ADGRB3: variants seen among roughly 807,000 people sequenced by gnomAD.
ADGRB3 encodes the protein brain-specific angiogenesis inhibitor 3.
In ADGRB3, 37 loss-of-function variants were observed where a neutral mutation model predicts 193.4. The observed-to-expected ratio is 0.19, with a 90% CI of 0.15 to 0.25. The LOEUF is 0.25. Ranked by LOEUF, ADGRB3 falls within the 10% of genes least tolerant of loss-of-function variation. The pLI, the probability that ADGRB3 is intolerant of heterozygous loss-of-function variation, is 1.00. For missense variants in ADGRB3, 1,637 were observed against 1,852.9 expected (o/e 0.88, Z 2.14); for synonymous variants, 690 against 644.2 (o/e 1.07, Z -1.08).
intron 3 of ADGRB3, among the ~76,000 whole-genome samples, chr6:68,740,558 T>C (rs1765959402): frequency 6.6e-6 from 1 of 152,182 alleles, no homozygotes; most frequent in African/African-American, 2.4e-5. Context: ...TACAACTGTT[T>C]ATTAAAAAAA....
chr6:69,240,629 G>A (rs1354942004), intron 20 of ADGRB3, among the ~76,000 whole-genome samples: 1 of 151,562 alleles, frequency 6.6e-6, no homozygotes, highest in African/African-American at 2.4e-5. Context: ...AAAAAATGAG[G>A]GTAAACATGG....
intron 31 of ADGRB3, among the ~76,000 whole-genome samples, chr6:69,383,252 C>G (rs1769990234): frequency 6.6e-6 from 1 of 151,854 alleles, no homozygotes; most frequent in Admixed American, 6.6e-5. Flanking sequence ...TTTCAAATAT[C>G]CCTTTGGGTT....
At chr6:68,792,881 T>A (rs2127367352) in intron 3 of ADGRB3, among the ~76,000 whole-genome samples, 1 of 152,288 alleles carries the variant, frequency 6.6e-6, no homozygotes, top group Middle Eastern at 3.4e-3. Context: ...ATTTACATGA[T>A]CTACAGTCTC....
intron 17 of ADGRB3, among the ~76,000 whole-genome samples, chr6:69,078,715 T>C (rs1354913534): frequency 1.3e-5 from 2 of 152,042 alleles, no homozygotes; most frequent in African/African-American, 4.8e-5. Context: ...TAATCCAAAA[T>C]GTTGCCCTGT....
At chr6:68,974,124 T>G (rs1209444643) in intron 8 of ADGRB3, among the ~76,000 whole-genome samples, 5 of 152,286 alleles carry the variant, frequency 3.3e-5, no homozygotes, top group African/African-American at 1.2e-4. Context: ...TGTGCCTTTT[T>G]GTTTGTTGGA....
chr6:68,877,055 G>T (rs1765613621), intron 3 of ADGRB3, among the ~76,000 whole-genome samples: 1 of 151,758 alleles, frequency 6.6e-6, no homozygotes, highest in African/African-American at 2.4e-5. Context: ...TTTATTACTA[G>T]TATTAGTATT....
chr6:68,885,116 G>C (rs528468276), intron 3 of ADGRB3, among the ~76,000 whole-genome samples: 1 of 152,238 alleles, frequency 6.6e-6, no homozygotes, highest in East Asian at 1.9e-4. Context: ...GAAAATGATT[G>C]GTCAGAGGTC....
Position 68,757,454 on chromosome 6 carries a change from C to T in ADGRB3, c.757+118022C>T, listed in dbSNP as rs552516491. 8.5e-5 allele frequency among the ~76,000 whole-genome samples: 13 copies of T among 152,214 alleles called. No homozygotes were observed. The East Asian group carries it at 2.5e-3, about 29-fold the overall frequency. On this transcript the variant is annotated intron_variant, in intron 3 of 31. Coordinates refer to ENST00000370598, the MANE Select transcript of ADGRB3 (RefSeq NM_001704.3). The stretch of plus-strand genomic sequence containing the variant: ...CCTTTTCACAACCTTATTTGTCTGA[C>T]TGACTTTTAGTTTAAGATTTATTTT...
At chr6:69,211,974 G>A (rs559176838) in intron 17 of ADGRB3, among the ~76,000 whole-genome samples, 27 of 152,130 alleles carry the variant, frequency 1.8e-4, no homozygotes, top group Non-Finnish European at 3.4e-4. Context: ...TGTACAGAGA[G>A]ATAAGCTCAA....
chr6:69,257,563 G>A (rs565983417), intron 20 of ADGRB3, among the ~76,000 whole-genome samples: 2 of 152,264 alleles, frequency 1.3e-5, no homozygotes, highest in South Asian at 2.1e-4. Context: ...GATGATGTTT[G>A]AGGTAAACAA....
chr6:69,013,076 C>T (rs949381772), intron 11 of ADGRB3, among the ~76,000 whole-genome samples: 16 of 152,052 alleles, frequency 1.1e-4, no homozygotes, highest in Non-Finnish European at 2.4e-4. Flanking sequence ...TCTCCTGTGA[C>T]CCCCAAGTCA....
At chr6:69,215,629 G>C (rs141309299) in intron 17 of ADGRB3, among the ~76,000 whole-genome samples, 2 of 151,958 alleles carry the variant, frequency 1.3e-5, no homozygotes, top group African/African-American at 4.8e-5. Flanking sequence ...ACCTATAAGA[G>C]ATATAATGTA....
intron 3 of ADGRB3, among the ~76,000 whole-genome samples, chr6:68,839,807 C>A (rs921403599): frequency 2.6e-5 from 4 of 152,138 alleles, no homozygotes; most frequent in Non-Finnish European, 5.9e-5. Context: ...CTGAAGACAG[C>A]AGGAAAGACA....
intron 20 of ADGRB3, among the ~76,000 whole-genome samples, chr6:69,295,534 T>C (rs1359673236): frequency 3.3e-5 from 5 of 152,086 alleles, no homozygotes; most frequent in Admixed American, 1.3e-4. Context: ...GAGAGCCTCC[T>C]CCAAGGGCTG....
At chr6:68,897,039 G>A (rs935996536) in intron 3 of ADGRB3, among the ~76,000 whole-genome samples, 1 of 152,132 alleles carries the variant, frequency 6.6e-6, no homozygotes, top group Admixed American at 6.6e-5. Flanking sequence ...TTGTAGTCAT[G>A]CTAAGGCACA....
intron 6 of ADGRB3, among the ~76,000 whole-genome samples, chr6:68,949,892 T>C (rs1444813673): frequency 6.6e-6 from 1 of 152,142 alleles, no homozygotes; most frequent in Non-Finnish European, 1.5e-5. Context: ...CTTTAACTTA[T>C]CAACTTTTTT....
chr6:68,945,323 T>C (rs559509583), intron 6 of ADGRB3, among the ~76,000 whole-genome samples: 293 of 152,224 alleles, frequency 1.9e-3, no homozygotes, highest in Non-Finnish European at 3.1e-3. Flanking sequence ...ATTCATACAA[T>C]TATGAATATT....
intron 17 of ADGRB3, among the ~76,000 whole-genome samples, chr6:69,086,677 T>G (rs527406727): frequency 6.6e-6 from 1 of 152,220 alleles, no homozygotes; most frequent in South Asian, 2.1e-4. Flanking sequence ...GAAGAAAGAT[T>G]TCTAAAAAGT....
chr6:68,641,064 G>T (rs1768073183), intron 3 of ADGRB3, among the ~76,000 whole-genome samples: 1 of 152,146 alleles, frequency 6.6e-6, no homozygotes, highest in Non-Finnish European at 1.5e-5. Flanking sequence ...AGAAGCTACA[G>T]TACACACAAA....
Sources: gnomAD v4.1 joint callset for allele counts (sites outside exome capture counted in the v4.1 genomes callset) on GRCh38, gnomAD v4.1.1 for gene constraint, MANE v1.5 for transcripts, NCBI Gene and HGNC (gene_info 2026-07-23, HGNC 2026-07-21) for gene names.